Variants in NBAS observed in about 807,000 individuals in gnomAD.
The protein encoded by NBAS is NAG/BC035112 fusion.
In NBAS, 219 loss-of-function variants were observed where a neutral mutation model predicts 302.5. The observed-to-expected ratio is 0.72, with a 90% CI of 0.65 to 0.81. The LOEUF (loss-of-function observed/expected upper bound fraction) is 0.81, where lower values mean the gene tolerates loss of function less well. NBAS is among the 30% of genes least tolerant of loss of function. The probability of loss-of-function intolerance (pLI) is 0.00; values close to 1 mark genes in which losing one functional copy is unlikely to be tolerated. For missense variants in NBAS, 2,932 were observed against 2,841.6 expected (o/e 1.03, Z -0.72); for synonymous variants, 1,118 against 1,021.6 (o/e 1.09, Z -1.80).
At chr2:15,253,876 AC>A (rs1668467528) in intron 44 of NBAS, among the ~76,000 whole-genome samples, 1 of 152,022 alleles carries the variant, frequency 6.6e-6, no homozygotes, top group Admixed American at 6.6e-5. Context: ...AATTTAGCCA[AC>A]CCCCATCTTG....
the NBAS span, among the ~76,000 whole-genome samples, chr2:14,817,622 T>C: frequency 4.6e-5 from 7 of 152,184 alleles, 1 homozygote; most frequent in Non-Finnish European, 8.8e-5. Context: ...TCTTGATACA[T>C]GTAAATGTTG....
the NBAS span, among the ~76,000 whole-genome samples, chr2:15,083,378 T>C: frequency 2.0e-5 from 3 of 152,260 alleles, no homozygotes; most frequent in Non-Finnish European, 2.9e-5. Flanking sequence ...AGCAGCCTTT[T>C]AATGCTTTTA....
intron 23 of NBAS, among the ~76,000 whole-genome samples, chr2:15,423,529 C>G (rs1677310353): frequency 6.6e-6 from 1 of 152,038 alleles, no homozygotes. Flanking sequence ...TGAAGCTCAA[C>G]TAAGTAGAAA....
the NBAS span, among the ~76,000 whole-genome samples, chr2:14,909,592 T>C: frequency 1.3e-5 from 2 of 152,124 alleles, no homozygotes; most frequent in Admixed American, 6.6e-5. Context: ...CTGTAAAAAA[T>C]AGGATATTTC....
chr2:14,826,817 T>C, the NBAS span, among the ~76,000 whole-genome samples: 3 of 152,190 alleles, frequency 2.0e-5, no homozygotes, highest in African/African-American at 7.2e-5. Flanking sequence ...TTGCTGTCAC[T>C]CACAGGCGCT....
downstream of NBAS, among the ~76,000 whole-genome samples, chr2:15,166,411 G>A (rs988154806): frequency 6.6e-6 from 1 of 152,120 alleles, no homozygotes. Context: ...TGATCATCTG[G>A]CTATGCCCTG....
chr2:15,318,464 G>A (rs1671623415), intron 38 of NBAS, among the ~76,000 whole-genome samples: 1 of 152,136 alleles, frequency 6.6e-6, no homozygotes, highest in Admixed American at 6.5e-5. Context: ...ATTGGGTAAA[G>A]AGTCAAAACC....
At chr2:14,877,837 A>G in the NBAS span, among the ~76,000 whole-genome samples, 2 of 152,152 alleles carry the variant, frequency 1.3e-5, no homozygotes, top group Non-Finnish European at 2.9e-5. Context: ...CTCTTTTTAT[A>G]TGCTATAAAG....
chr2:14,997,972 CCTTTCTCCTCG>C, the NBAS span, among the ~76,000 whole-genome samples: 69 of 152,282 alleles, frequency 4.5e-4, no homozygotes, highest in East Asian at 1.2e-3. Flanking sequence ...CTCATCTGTT[CCTTTCTCCTCG>C]CTTTTTCCCA....
rs1451440217 is a variant in NBAS, at chr2:15,465,297, C to T, written c.2097+2032G>A. 2.0e-5 allele frequency among the ~76,000 whole-genome samples: 3 copies of T among 152,198 alleles called. No homozygotes were observed. The East Asian group carries it at 5.8e-4, about 29-fold the overall frequency. On this transcript the variant is annotated intron_variant, in intron 19 of 51. Coordinates refer to ENST00000281513, the MANE Select transcript of NBAS (RefSeq NM_015909.4). ...CTCCCTAGTCCCTGAAATCTGCCTG[C>T]CTTTTGTGAAAGGCCAGCTATTACT... is the stretch of plus-strand genomic sequence containing the variant.
chr2:15,141,069 T>C, the NBAS span, among the ~76,000 whole-genome samples: 1 of 152,238 alleles, frequency 6.6e-6, no homozygotes, highest in African/African-American at 2.4e-5. Flanking sequence ...AAAGTATTTC[T>C]TTTGGAGGAA....
intron 51 of NBAS, among the ~76,000 whole-genome samples, chr2:15,175,043 C>T (rs1041615582): frequency 6.6e-6 from 1 of 152,134 alleles, no homozygotes; most frequent in African/African-American, 2.4e-5. Context: ...TCTCAGCTCA[C>T]TGCAGCTCCA....
chr2:15,392,726 T>C (rs772995710), intron 28 of NBAS, among the ~76,000 whole-genome samples: 15 of 151,950 alleles, frequency 9.9e-5, no homozygotes, highest in Admixed American at 2.0e-4. Flanking sequence ...TTTGATGCAA[T>C]CCTTATCAAA....
chr2:15,206,056 AAAAC>A (rs1486875884), intron 48 of NBAS, among the ~76,000 whole-genome samples: 1 of 152,198 alleles, frequency 6.6e-6, no homozygotes, highest in Non-Finnish European at 1.5e-5. Context: ...GGTTCAGAAG[AAAAC>A]AGGAAGATGT....
At chr2:15,443,649 C>T (rs1211308637) in intron 21 of NBAS, among the ~76,000 whole-genome samples, 3 of 150,500 alleles carry the variant, frequency 2.0e-5, no homozygotes, top group Non-Finnish European at 4.4e-5. Flanking sequence ...GAAGTTCTGG[C>T]CAGGGCAATT....
chr2:15,037,956 G>A, the NBAS span, among the ~76,000 whole-genome samples: 37 of 151,942 alleles, frequency 2.4e-4, no homozygotes, highest in African/African-American at 7.5e-4. Flanking sequence ...TGGCCCCTCC[G>A]TCTGACTGTG....
At chr2:15,304,878 G>T (rs2148147541) in intron 40 of NBAS, among the ~76,000 whole-genome samples, 1 of 152,278 alleles carries the variant, frequency 6.6e-6, no homozygotes, top group Non-Finnish European at 1.5e-5. Flanking sequence ...AGATGGTTTG[G>T]AATTGGAACT....
intron 30 of NBAS, among the ~76,000 whole-genome samples, chr2:15,377,596 A>G (rs1353740493): frequency 1.3e-5 from 2 of 152,226 alleles, no homozygotes; most frequent in Non-Finnish European, 2.9e-5. Context: ...GCTGGAAAAA[A>G]GTGGATTTGC....
chr2:15,237,937 G>A, intron 45 of NBAS, among the ~76,000 whole-genome samples: 1 of 152,048 alleles, frequency 6.6e-6, no homozygotes, highest in East Asian at 1.9e-4. Flanking sequence ...ATTGGGCCTG[G>A]CTAATTTTTT....
Sources: allele counts gnomAD v4.1 joint callset (sites outside exome capture counted in the v4.1 genomes callset), GRCh38; gene constraint gnomAD v4.1.1; transcripts MANE v1.5; gene names NCBI Gene and HGNC (gene_info 2026-07-23, HGNC 2026-07-21).